ATP6V1H: variants seen among roughly 807,000 people sequenced by gnomAD.
ATP6V1H encodes ATPase H+ transporting V1 subunit H, also known as V-type proton ATPase subunit H.
A neutral mutation model predicts 71.7 loss-of-function variants in ATP6V1H; 39 were observed. That is an observed-to-expected ratio of 0.54 (90% CI 0.42 to 0.71). The LOEUF is 0.71. Ranked by LOEUF, ATP6V1H falls within the 30% of genes least tolerant of loss-of-function variation. The pLI is 0.00. For synonymous variants in ATP6V1H, 192 were observed against 199.3 expected, an observed-to-expected ratio of 0.96 and a Z score of 0.31; for missense variants, 509 against 594.9, an observed-to-expected ratio of 0.86 and a Z score of 1.50.
At chr8:53,765,114 CGGGGGAAGGCCAGGCAT>C (rs1808404711) in intron 11 of ATP6V1H, among the ~76,000 whole-genome samples, 1 of 151,740 alleles carries the variant, frequency 6.6e-6, no homozygotes, top group African/African-American at 2.4e-5. Flanking sequence ...CTTAAAAAGG[CGGGGGAAGGCCAGGCAT>C]GGTGGCTCCC....
intron 11 of ATP6V1H, among the ~76,000 whole-genome samples, chr8:53,765,660 T>A (rs1374745420): frequency 6.6e-6 from 1 of 152,028 alleles, no homozygotes; most frequent in Non-Finnish European, 1.5e-5. Flanking sequence ...ATATTCCACG[T>A]TCACAAGTAG....
intron 9 of ATP6V1H, among the ~76,000 whole-genome samples, chr8:53,773,224 T>C (rs1029131189): frequency 2.0e-5 from 3 of 152,204 alleles, no homozygotes; most frequent in East Asian, 1.9e-4. Flanking sequence ...TCTATAGATA[T>C]CAGAAATTAC....
chr8:53,833,831 A>G (rs946551259), intron 2 of ATP6V1H, among the ~76,000 whole-genome samples: 2 of 152,038 alleles, frequency 1.3e-5, no homozygotes, highest in Non-Finnish European at 2.9e-5. Flanking sequence ...TTTCAAATTC[A>G]GCATCATGTT....
At chr8:53,756,890 G>T (rs1180231840) in intron 11 of ATP6V1H, among the ~76,000 whole-genome samples, 1 of 152,022 alleles carries the variant, frequency 6.6e-6, no homozygotes, top group Non-Finnish European at 1.5e-5. Context: ...AAATATCAGG[G>T]ACTCCCCCCT....
intron 13 of ATP6V1H, among the ~76,000 whole-genome samples, chr8:53,731,700 C>T (rs533656631): frequency 1.2e-4 from 19 of 152,360 alleles, no homozygotes; most frequent in Middle Eastern, 3.4e-3. Context: ...CCTTCTTTAA[C>T]CTGGTGTCAG....
chr8:53,777,069 A>T (rs1283513663), intron 9 of ATP6V1H, among the ~76,000 whole-genome samples: 1 of 152,238 alleles, frequency 6.6e-6, no homozygotes, highest in Non-Finnish European at 1.5e-5. Flanking sequence ...AGGCTCAGTG[A>T]CTTGCAGTGC....
chr8:53,821,497 A>C (rs1029282024), intron 4 of ATP6V1H, among the ~76,000 whole-genome samples: 5 of 152,118 alleles, frequency 3.3e-5, no homozygotes, highest in African/African-American at 1.2e-4. Context: ...CCTGGGCAAC[A>C]TGGCGAAATC....
chr8:53,730,337 C>A (rs922032312), intron 13 of ATP6V1H, among the ~76,000 whole-genome samples: 1 of 152,192 alleles, frequency 6.6e-6, no homozygotes, highest in East Asian at 1.9e-4. Context: ...GTCTAGACTT[C>A]GTTCAACTAA....
chr8:53,746,763 T>C (rs1807616403), intron 12 of ATP6V1H, among the ~76,000 whole-genome samples: 2 of 152,036 alleles, frequency 1.3e-5, no homozygotes, highest in African/African-American at 2.4e-5. Flanking sequence ...CCCAATATCA[T>C]GAATGCTTGA....
At chr8:53,813,281 AAAT>A (rs1810344786) in intron 6 of ATP6V1H, among the ~76,000 whole-genome samples, 1 of 152,200 alleles carries the variant, frequency 6.6e-6, no homozygotes, top group Non-Finnish European at 1.5e-5. Context: ...AGAAACTCTA[AAAT>A]ATCTCCATCC....
intron 5 of ATP6V1H, among the ~76,000 whole-genome samples, chr8:53,816,441 C>T (rs2130478437): frequency 6.6e-6 from 1 of 152,342 alleles, no homozygotes; most frequent in Non-Finnish European, 1.5e-5. Context: ...TCTCTCAACC[C>T]TGCTTTCAGA....
chr8:53,729,812 C>T (rs1297416628), intron 13 of ATP6V1H, among the ~76,000 whole-genome samples: 1 of 152,216 alleles, frequency 6.6e-6, no homozygotes, highest in African/African-American at 2.4e-5. Context: ...CCTTCAAAGT[C>T]CTCTGAGGAA....
chr8:53,800,327 G>C (rs1054578512), intron 8 of ATP6V1H, among the ~76,000 whole-genome samples: 6 of 152,150 alleles, frequency 3.9e-5, no homozygotes, highest in Admixed American at 1.3e-4. Flanking sequence ...TCTTTCTAAT[G>C]AATCTCCTGA....
chr8:53,798,933 C>T (rs1411468252), intron 8 of ATP6V1H, among the ~76,000 whole-genome samples: 1 of 152,036 alleles, frequency 6.6e-6, no homozygotes, highest in Non-Finnish European at 1.5e-5. Flanking sequence ...AGGTACTAGC[C>T]ATCAGAACAG....
At chr8:53,791,056 G>A (rs1439263982) in intron 9 of ATP6V1H, among the ~76,000 whole-genome samples, 1 of 149,766 alleles carries the variant, frequency 6.7e-6, no homozygotes, top group Admixed American at 6.7e-5. Context: ...TGTGACAATG[G>A]TAGAATTAAA....
intron 13 of ATP6V1H, among the ~76,000 whole-genome samples, chr8:53,720,734 A>G (rs779646885): frequency 6.6e-6 from 1 of 152,204 alleles, no homozygotes; most frequent in Non-Finnish European, 1.5e-5. Flanking sequence ...GAAAAAAGTG[A>G]TTTTCTACTG....
rs1445891132 is a variant in ATP6V1H, at chr8:53,716,030, A to C, written c.1392-6T>G. 4 of 1,603,516 alleles carry C rather than the reference A, an allele frequency of 2.5e-6. No homozygotes were observed. The highest frequency in any genetic ancestry group is 3.4e-6 in the Non-Finnish European group (4 of 1,175,568). On this transcript the variant is annotated splice_region_variant and splice_polypyrimidine_tract_variant and intron_variant, in intron 13 of 13. Transcript: ENST00000359530. ...GCTGCTTGCCAAGGTATTCCCTGAA[A>C]AAAAAGAATGAAGTAAGGAGAATGA... is the stretch of plus-strand genomic sequence containing the variant.
intron 8 of ATP6V1H, among the ~76,000 whole-genome samples, chr8:53,800,972 T>C (rs1809892126): frequency 6.6e-6 from 1 of 152,246 alleles, no homozygotes; most frequent in South Asian, 2.1e-4. Flanking sequence ...GAAAAATAAT[T>C]AGTAACTTAC....
Position 53,841,717 on chromosome 8 carries a change from T to C in ATP6V1H, c.-27A>G. On this transcript the variant is annotated 5_prime_UTR_variant, in exon 2 of 14. Transcript: ENST00000359530. ...TAAACTTCGTAATCTTGAATGTCTT[T>C]CAACAAATCTTCAATTTTGATGCAA... 1 of 1,607,266 alleles carries C rather than the reference T, an allele frequency of 6.2e-7. No homozygotes were observed. Among genetic ancestry groups the C allele is most frequent in the Non-Finnish European group, 8.5e-7 (1 of 1,176,642 alleles).
Sources: gnomAD v4.1 joint callset for allele counts (sites outside exome capture counted in the v4.1 genomes callset) on GRCh38, gnomAD v4.1.1 for gene constraint, MANE v1.5 for transcripts, NCBI Gene and HGNC (gene_info 2026-07-23, HGNC 2026-07-21) for gene names.